The following OPCML variants were observed in gnomAD, a reference collection of about 807,000 sequenced individuals.
OPCML encodes opioid-binding protein/cell adhesion molecule.
A neutral mutation model predicts 37.8 loss-of-function variants in OPCML; 13 were observed. That is an observed-to-expected ratio of 0.34 (90% confidence interval 0.22 to 0.55). The LOEUF (loss-of-function observed/expected upper bound fraction) is 0.55. Ranked by LOEUF, OPCML falls within the 20% of genes least tolerant of loss-of-function variation. The pLI is 0.91. For synonymous variants in OPCML, 176 were observed against 168.8 expected, an observed-to-expected ratio of 1.04 and a Z score of -0.33; for missense variants, 341 against 435.6, an observed-to-expected ratio of 0.78 and a Z score of 1.93.
intron 2 of OPCML, among the ~76,000 whole-genome samples, chr11:132,658,544 G>A (rs1178372273): frequency 6.6e-6 from 1 of 152,198 alleles, no homozygotes; most frequent in Non-Finnish European, 1.5e-5. Flanking sequence ...ACCTGATCTA[G>A]GGCGGTCCTC....
intron 1 of OPCML, among the ~76,000 whole-genome samples, chr11:133,013,461 T>C (rs2136881243): frequency 6.6e-6 from 1 of 152,356 alleles, no homozygotes; most frequent in East Asian, 1.9e-4. Context: ...TTAAACATTT[T>C]CTTTGAAGAG....
intron 3 of OPCML, among the ~76,000 whole-genome samples, chr11:132,643,545 C>G (rs1319515674): frequency 6.6e-6 from 1 of 152,204 alleles, no homozygotes; most frequent in East Asian, 1.9e-4. Context: ...TCTCTTCCTT[C>G]TTTCTCTTGA....
intron 2 of OPCML, among the ~76,000 whole-genome samples, chr11:132,826,090 T>C (rs1467211236): frequency 6.6e-6 from 1 of 152,226 alleles, no homozygotes; most frequent in Non-Finnish European, 1.5e-5. Flanking sequence ...GGACTGTATG[T>C]CCTGTCCATC....
chr11:132,765,833 C>A (rs1282963181), intron 2 of OPCML, among the ~76,000 whole-genome samples: 1 of 152,138 alleles, frequency 6.6e-6, no homozygotes, highest in Non-Finnish European at 1.5e-5. Context: ...TAAATACCAT[C>A]CACTACTCAA....
intron 3 of OPCML, among the ~76,000 whole-genome samples, chr11:132,560,690 A>G (rs934361402): frequency 6.6e-6 from 1 of 152,196 alleles, no homozygotes; most frequent in African/African-American, 2.4e-5. Context: ...AGTGACGTGG[A>G]GCATTTTTCC....
chr11:132,513,610 T>G (rs1198153329), intron 4 of OPCML, among the ~76,000 whole-genome samples: 4 of 152,156 alleles, frequency 2.6e-5, no homozygotes, highest in Admixed American at 2.6e-4. Flanking sequence ...TTTTCATGTC[T>G]CTTCTCTTAT....
In OPCML at chr11:133,517,243, T is replaced by C. The variant is rs971074216; in HGVS notation, c.61+15021A>G. ...TTTTATCTTACTCTTTTTATCATTATATATAAGAAAAAATATGTGTAGTGA... is the reference window on the plus strand; with the variant it reads ...TTTTATCTTACTCTTTTTATCATTACATATAAGAAAAAATATGTGTAGTGA... On this transcript the variant is annotated intron_variant, in intron 1 of 7. Coordinates refer to ENST00000524381, the MANE Select transcript of OPCML (RefSeq NM_001012393.5). Among the ~76,000 whole-genome samples the C allele has an allele frequency of 8.5e-5, 13 of 152,362 alleles. No homozygotes were observed. The East Asian group carries it at 1.7e-3, about 20-fold the overall frequency.
At chr11:132,821,052 A>G (rs963047288) in intron 2 of OPCML, among the ~76,000 whole-genome samples, 1 of 152,242 alleles carries the variant, frequency 6.6e-6, no homozygotes, top group Non-Finnish European at 1.5e-5. Context: ...AACCACAAGG[A>G]AAGCCTTCTC....
intron 1 of OPCML, among the ~76,000 whole-genome samples, chr11:133,484,087 T>C (rs957650616): frequency 3.3e-5 from 5 of 151,064 alleles, no homozygotes; most frequent in Admixed American, 2.6e-4. Context: ...GATAGATTCA[T>C]AGATGAATAG....
chr11:133,147,093 C>T (rs1369300720), intron 1 of OPCML, among the ~76,000 whole-genome samples: 1 of 152,238 alleles, frequency 6.6e-6, no homozygotes, highest in Non-Finnish European at 1.5e-5. Flanking sequence ...CAGGGCACGG[C>T]ACCCAATCCC....
chr11:132,707,899 A>C (rs1944101007), intron 2 of OPCML, among the ~76,000 whole-genome samples: 1 of 152,234 alleles, frequency 6.6e-6, no homozygotes, highest in Non-Finnish European at 1.5e-5. Context: ...GCCTGAAAAC[A>C]GTTCATTTGG....
chr11:133,030,069 C>T (rs2136921659), intron 1 of OPCML, among the ~76,000 whole-genome samples: 1 of 152,240 alleles, frequency 6.6e-6, no homozygotes, highest in Non-Finnish European at 1.5e-5. Flanking sequence ...CCCCTCAACA[C>T]AAGGAGTGGA....
chr11:133,004,302 TA>T, intron 1 of OPCML: 3 of 985,468 alleles, frequency 3.0e-6, no homozygotes, highest in Non-Finnish European at 3.6e-6. Flanking sequence ...GCTGTAGCTG[TA>T]ATTTAATTTT....
In OPCML at chr11:133,353,455, C is replaced by G. The variant is rs1437823172; in HGVS notation, c.61+178809G>C. 2.0e-5 allele frequency among the ~76,000 whole-genome samples: 3 copies of G among 152,074 alleles called. No homozygotes were observed. The East Asian group carries it at 5.8e-4, about 29-fold the overall frequency. ...GATTACAGGCATGAGCCACCGTGAC[C>G]AGCCTGTAAGCCCCTGTTTTGGCCA... On this transcript the variant is annotated intron_variant, in intron 1 of 7. Coordinates refer to ENST00000524381, the MANE Select transcript of OPCML (RefSeq NM_001012393.5).
intron 3 of OPCML, among the ~76,000 whole-genome samples, chr11:132,593,031 T>A (rs192557988): frequency 6.6e-6 from 1 of 152,180 alleles, no homozygotes; most frequent in East Asian, 1.9e-4. Flanking sequence ...TAAATAGAAA[T>A]GACAATAATT....
intron 2 of OPCML, among the ~76,000 whole-genome samples, chr11:132,666,047 G>T (rs1942201464): frequency 6.6e-6 from 1 of 152,184 alleles, no homozygotes; most frequent in African/African-American, 2.4e-5. Context: ...CCTTCATGAA[G>T]CTCGCAGATT....
At chr11:132,779,314 C>G (rs760109608) in intron 2 of OPCML, among the ~76,000 whole-genome samples, 4 of 151,996 alleles carry the variant, frequency 2.6e-5, no homozygotes, top group Non-Finnish European at 4.4e-5. Flanking sequence ...AGCGTATGTC[C>G]CAGTAAAGGA....
At chr11:132,823,571 G>A (rs1249183009) in intron 2 of OPCML, among the ~76,000 whole-genome samples, 3 of 151,762 alleles carry the variant, frequency 2.0e-5, no homozygotes, top group Non-Finnish European at 4.4e-5. Context: ...ATCATCTAGG[G>A]TGCCTCACTT....
At chr11:133,359,673 C>T (rs1409726528) in intron 1 of OPCML, among the ~76,000 whole-genome samples, 1 of 152,144 alleles carries the variant, frequency 6.6e-6, no homozygotes, top group Admixed American at 6.5e-5. Context: ...GCTCTTGTCC[C>T]TCAGCTGCCC....
Sources: allele counts gnomAD v4.1 joint callset (sites outside exome capture counted in the v4.1 genomes callset), GRCh38; gene constraint gnomAD v4.1.1; transcripts MANE v1.5; gene names NCBI Gene and HGNC (gene_info 2026-07-23, HGNC 2026-07-21).